Variants in THBS4 observed in about 807,000 individuals in gnomAD.
The protein encoded by THBS4 is thrombospondin 4.
A neutral mutation model predicts 115.7 loss-of-function variants in THBS4; 90 were observed. The observed-to-expected ratio is 0.78, with a 90% CI of 0.66 to 0.93. The LOEUF is 0.93. THBS4 is among the 40% of genes least tolerant of loss of function. The pLI is 0.00. For missense variants in THBS4, 1,087 were observed against 1,232.7 expected, an observed-to-expected ratio of 0.88 and a Z score of 1.77; for synonymous variants, 460 against 479.3, an observed-to-expected ratio of 0.96 and a Z score of 0.53.
intron 8 of THBS4, among the ~76,000 whole-genome samples, chr5:80,064,851 A>AGACAC (rs1833758783): frequency 6.6e-6 from 1 of 152,228 alleles, no homozygotes; most frequent in Non-Finnish European, 1.5e-5. Context: ...AAAACAGATT[A>AGACAC]GACACAGCTT....
At chr5:80,079,884 C>T (rs1407172527) in intron 19 of THBS4, 21 bp from the exon 20 acceptor site, 1 of 1,612,672 alleles carries the variant, frequency 6.2e-7, no homozygotes, top group South Asian at 1.1e-5. Flanking sequence ...GTCCTAAAAC[C>T]TTGCTTGTGT....
Position 80,015,126 on chromosome 5 carries a change from A to G in THBS4, n.177+16699A>G, listed in dbSNP as rs994654107. Among the ~76,000 whole-genome samples, 3 of 152,260 alleles carry G rather than the reference A, an allele frequency of 2.0e-5. No individual in the cohort carries two copies. The East Asian group carries it at 5.8e-4, about 29-fold the overall frequency. ...ATTAACATTCAGTACTCAACCTTAGAACATTTTCCAAATTTAGATGAGAAG... is the reference window on the plus strand; with the variant it reads ...ATTAACATTCAGTACTCAACCTTAGGACATTTTCCAAATTTAGATGAGAAG... On this transcript the variant is annotated intron_variant and non_coding_transcript_variant, in intron 2 of 3. Coordinates refer to the THBS4 transcript ENST00000510218.
At chr5:80,007,763 G>A (rs1436078047) in intron 2 of THBS4, among the ~76,000 whole-genome samples, 2 of 152,190 alleles carry the variant, frequency 1.3e-5, no homozygotes, top group Non-Finnish European at 2.9e-5. Flanking sequence ...CTAGCCCTGG[G>A]CTCGTGCACA....
At chr5:80,063,876 T>C (rs1248854998) in intron 8 of THBS4, among the ~76,000 whole-genome samples, 3 of 152,228 alleles carry the variant, frequency 2.0e-5, no homozygotes, top group African/African-American at 7.2e-5. Context: ...AATGGCGCAG[T>C]GTCCAGAAAC....
In THBS4 at chr5:80,078,166, C is replaced by T. The variant is rs749400862; in HGVS notation, c.2204C>T (p.Thr735Ile). The stretch of plus-strand genomic sequence containing the variant: ...CTGACCGACTTCAGGGCTTACCAGA[C>T]CGTGGTCCTGGATCCTGAAGGGGAT... ...VTLTDFRAYQTVVLDPEGDAQ... is the reference protein window; with the variant it reads ...VTLTDFRAYQIVVLDPEGDAQ... The change falls in exon 17 of 22, where the codon ACC becomes ATC. Residue 735 changes from threonine to isoleucine, a missense_variant. Coordinates refer to ENST00000350881, the MANE Select transcript of THBS4 (RefSeq NM_003248.6). The T allele has an allele frequency of 2.5e-6, 4 of 1,610,234 alleles. No homozygotes were observed. In the East Asian group the frequency reaches 8.9e-5, roughly 36 times the overall value.
At chr5:80,078,373 T>C in intron 17 of THBS4, 146 bp downstream of exon 17, 1 of 593,726 alleles carries the variant, frequency 1.7e-6, no homozygotes, top group Non-Finnish European at 2.7e-6. Context: ...TATGACAGAC[T>C]ACTTCAATTA....
chr5:80,026,623 T>G (rs1156800694), intron 2 of THBS4, among the ~76,000 whole-genome samples: 6 of 152,228 alleles, frequency 3.9e-5, no homozygotes, highest in Non-Finnish European at 7.3e-5. Flanking sequence ...AAAACTTTAA[T>G]TATGAGCCTT....
chr5:80,029,927 G>A lies in THBS4; in HGVS notation n.178-10150G>A, dbSNP rs188749785. 6.5e-3 allele frequency among the ~76,000 whole-genome samples: 989 copies of A among 152,066 alleles called. 37 individuals carry two copies. In the East Asian group the frequency reaches 0.11, roughly 16 times the overall value. On this transcript the variant is annotated intron_variant and non_coding_transcript_variant, in intron 2 of 3. Transcript: ENST00000510218. Reference sequence around the variant, plus strand: ...GGAGGTTGCAGTAAGCCGAGATCGCGCTGCTGCACTCCAGCCTGGGCGACA... The same window carrying A: ...GGAGGTTGCAGTAAGCCGAGATCGCACTGCTGCACTCCAGCCTGGGCGACA...
At chr5:80,030,634 T>C (rs1832567515), upstream of THBS4, among the ~76,000 whole-genome samples, 1 of 152,160 alleles carries the variant, frequency 6.6e-6, no homozygotes, top group African/African-American at 2.4e-5. Context: ...CCCAAAGTGC[T>C]GAGATTATAG....
At chr5:80,057,110 GA>G (rs900770791) in intron 3 of THBS4, among the ~76,000 whole-genome samples, 2 of 152,012 alleles carry the variant, frequency 1.3e-5, no homozygotes, top group African/African-American at 2.4e-5. Context: ...TTTACATATG[GA>G]AAAAAATTAA....
At chr5:80,081,516 A>T (rs1341692640) in intron 20 of THBS4, among the ~76,000 whole-genome samples, 1 of 152,212 alleles carries the variant, frequency 6.6e-6, no homozygotes, top group East Asian at 1.9e-4. Flanking sequence ...ACTTGCACCC[A>T]TGCCTAGAAT....
chr5:80,038,481 T>G (rs560724877), intron 1 of THBS4, among the ~76,000 whole-genome samples: 1 of 152,282 alleles, frequency 6.6e-6, no homozygotes, highest in Non-Finnish European at 1.5e-5. Context: ...GTTTTGATAT[T>G]GTAAATATTA....
At chr5:79,997,673 G>A (rs1831822519) in intron 1 of THBS4, among the ~76,000 whole-genome samples, 1 of 152,174 alleles carries the variant, frequency 6.6e-6, no homozygotes, top group African/African-American at 2.4e-5. Context: ...TTTATGGAAT[G>A]CCCCACCCAG....
upstream of THBS4, among the ~76,000 whole-genome samples, chr5:80,030,987 A>C (rs1405192294): frequency 6.6e-6 from 1 of 152,340 alleles, no homozygotes; most frequent in Admixed American, 6.5e-5. Context: ...GATTTCCCCC[A>C]CTTGCGAAGA....
intron 1 of THBS4, among the ~76,000 whole-genome samples, chr5:79,998,088 A>G (rs1831831046): frequency 6.6e-6 from 1 of 152,170 alleles, no homozygotes; most frequent in South Asian, 2.1e-4. Flanking sequence ...AAACAACCCA[A>G]TCATACTGGA....
In THBS4 at chr5:80,029,925, G is replaced by A. The variant is rs532693561; in HGVS notation, n.178-10152G>A. 6.6e-5 allele frequency among the ~76,000 whole-genome samples: 10 copies of A among 152,070 alleles called. 1 individual carries two copies. The highest frequency in any genetic ancestry group is 2.1e-4 in the South Asian group (1 of 4,810). On this transcript the variant is annotated intron_variant and non_coding_transcript_variant, in intron 2 of 3. Transcript: ENST00000510218. ...GCGGAGGTTGCAGTAAGCCGAGATCGCGCTGCTGCACTCCAGCCTGGGCGA... is the reference window on the plus strand; with the variant it reads ...GCGGAGGTTGCAGTAAGCCGAGATCACGCTGCTGCACTCCAGCCTGGGCGA...
At chr5:79,999,786 T>C (rs140172553) in intron 2 of THBS4, among the ~76,000 whole-genome samples, 2 of 152,334 alleles carry the variant, frequency 1.3e-5, no homozygotes, top group Admixed American at 1.3e-4. Context: ...TAAAATGAGA[T>C]ATATCTGGTC....
intron 2 of THBS4, among the ~76,000 whole-genome samples, chr5:80,042,175 C>T (rs1302879173): frequency 6.6e-6 from 1 of 152,184 alleles, no homozygotes; most frequent in Non-Finnish European, 1.5e-5. Flanking sequence ...GTTCCTGTCC[C>T]CCTTTCCCCA....
chr5:80,005,181 T>C (rs1290112783), intron 2 of THBS4, among the ~76,000 whole-genome samples: 2 of 152,224 alleles, frequency 1.3e-5, no homozygotes, highest in African/African-American at 4.8e-5. Flanking sequence ...TGTTCTTAGC[T>C]CCTTTTGTTA....
Sources: gnomAD v4.1 joint callset for allele counts (sites outside exome capture counted in the v4.1 genomes callset) on GRCh38, gnomAD v4.1.1 for gene constraint, MANE v1.5 for transcripts, NCBI Gene and HGNC (gene_info 2026-07-23, HGNC 2026-07-21) for gene names.